Variants in VPS8 observed in about 807,000 individuals in gnomAD.
The protein encoded by VPS8 is VPS8 subunit of CORVET complex.
Under a neutral mutation model 216.4 loss-of-function variants are expected in VPS8, and 129 were observed. The observed-to-expected ratio is 0.60, with a 90% confidence interval of 0.52 to 0.69. The LOEUF (loss-of-function observed/expected upper bound fraction) is 0.69, where lower values mean the gene tolerates loss of function less well. Ranked by LOEUF, VPS8 falls within the 30% of genes least tolerant of loss-of-function variation. The pLI is 0.00. For missense variants in VPS8, 1,531 were observed against 1,683.5 expected, an observed-to-expected ratio of 0.91 and a Z score of 1.59; for synonymous variants, 571 against 565.4, an observed-to-expected ratio of 1.01 and a Z score of -0.14.
intron 25 of VPS8, among the ~76,000 whole-genome samples, chr3:184,903,640 G>A (rs1307886701): frequency 1.3e-5 from 2 of 151,742 alleles, no homozygotes; most frequent in African/African-American, 4.8e-5. Flanking sequence ...TCAAGACAGG[G>A]TCTTGCTATG....
At chr3:185,040,894 A>G (rs1759530881) in intron 46 of VPS8, among the ~76,000 whole-genome samples, 1 of 152,078 alleles carries the variant, frequency 6.6e-6, no homozygotes, top group African/African-American at 2.4e-5. Flanking sequence ...CATTGATAAA[A>G]TATTTGTATA....
chr3:184,980,352 A>T (rs1489971954), intron 40 of VPS8, among the ~76,000 whole-genome samples: 1 of 152,150 alleles, frequency 6.6e-6, no homozygotes, highest in Non-Finnish European at 1.5e-5. Context: ...TCAAGAACCT[A>T]GCAAGGTTAG....
intron 25 of VPS8, among the ~76,000 whole-genome samples, chr3:184,911,932 G>A (rs1467222182): frequency 2.0e-5 from 3 of 152,190 alleles, no homozygotes; most frequent in Non-Finnish European, 4.4e-5. Flanking sequence ...AAAGCCTTCA[G>A]TTTGTGTCCG....
At chr3:184,955,723 G>T (rs1400649526) in intron 36 of VPS8, among the ~76,000 whole-genome samples, 1 of 152,028 alleles carries the variant, frequency 6.6e-6, no homozygotes, top group African/African-American at 2.4e-5. Context: ...GCAGTCCAAT[G>T]TACTGTCTAC....
chr3:184,988,824 C>T (rs941410813), intron 42 of VPS8, among the ~76,000 whole-genome samples: 2 of 152,076 alleles, frequency 1.3e-5, no homozygotes, highest in African/African-American at 4.8e-5. Context: ...CTTTGCTTTC[C>T]CTCATTAGAG....
At chr3:185,050,873 A>G (rs1714081076) in intron 47 of VPS8, among the ~76,000 whole-genome samples, 1 of 152,132 alleles carries the variant, frequency 6.6e-6, no homozygotes, top group Non-Finnish European at 1.5e-5. Flanking sequence ...GAGTGTTGGT[A>G]GTGGACACAG....
chr3:184,996,226 C>T (rs9860814), intron 43 of VPS8, 106 bp from the exon 44 acceptor site: 1,252,069 of 1,304,866 alleles, frequency 0.96, 604,102 homozygotes, highest in Non-Finnish European at 0.98. Flanking sequence ...TCAATTTTAG[C>T]TGTTGGTAGT....
At chr3:184,993,855 C>A in intron 42 of VPS8, 128 bp from the exon 43 acceptor site, 1 of 735,242 alleles carries the variant, frequency 1.4e-6, no homozygotes, top group Non-Finnish European at 2.2e-6. Context: ...GTGGAAAGTT[C>A]ATGGAAGAAT....
Position 184,862,925 on chromosome 3 carries a change from TAGAC to T in VPS8, c.1256_1259del (p.Asp419AlafsTer2), listed in dbSNP as rs777817369. ...ATAAATTCACGCACAGTTGTGCTCT[TAGAC>T]AGCGTAGAGAAGTTGCATGTGATTG... On this transcript the variant is annotated frameshift_variant, in exon 16 of 48. Coordinates refer to ENST00000625842, the MANE Select transcript of VPS8 (RefSeq NM_001009921.3). LOFTEE classifies it high-confidence loss of function. 5.0e-6 allele frequency: 8 copies of T among 1,613,848 alleles called. No individual in the cohort carries two copies. Among genetic ancestry groups the T allele is most frequent in the South Asian group, 1.1e-5 (1 of 91,068 alleles).
At chr3:184,958,236 G>T (rs1291312670) in intron 37 of VPS8, among the ~76,000 whole-genome samples, 1 of 152,128 alleles carries the variant, frequency 6.6e-6, no homozygotes, top group Non-Finnish European at 1.5e-5. Context: ...CGGGTACATT[G>T]TCCCTTATTG....
intron 45 of VPS8, among the ~76,000 whole-genome samples, chr3:185,000,615 T>TC (rs1453189126): frequency 1.3e-5 from 2 of 150,208 alleles, no homozygotes; most frequent in Non-Finnish European, 3.0e-5. Context: ...TTCGTTTCTT[T>TC]TTTTTTTTTT....
chr3:185,007,335 T>C (rs1022276886), intron 45 of VPS8, among the ~76,000 whole-genome samples: 9 of 152,342 alleles, frequency 5.9e-5, no homozygotes, highest in African/African-American at 7.2e-5. Flanking sequence ...TCAAGAACAT[T>C]ACTCACTTAC....
chr3:184,893,309 A>G (rs979812355), intron 22 of VPS8: 2 of 1,286,514 alleles, frequency 1.6e-6, no homozygotes, highest in African/African-American at 1.5e-5. Flanking sequence ...TTGTCATGAA[A>G]GACCATACCT....
At chr3:184,902,191 A>T (rs1353200334) in intron 25 of VPS8, among the ~76,000 whole-genome samples, 1 of 149,664 alleles carries the variant, frequency 6.7e-6, no homozygotes, top group African/African-American at 2.5e-5. Flanking sequence ...AAAAGTTCCC[A>T]AGCTGGCCAG....
intron 40 of VPS8, among the ~76,000 whole-genome samples, chr3:184,980,016 G>A (rs1210578879): frequency 5.3e-5 from 8 of 152,158 alleles, no homozygotes; most frequent in Non-Finnish European, 1.2e-4. Flanking sequence ...AGCATTCATT[G>A]TCTGAAAATG....
chr3:184,953,198 A>C (rs1320608807), intron 36 of VPS8, among the ~76,000 whole-genome samples: 1 of 152,226 alleles, frequency 6.6e-6, no homozygotes, highest in East Asian at 1.9e-4. Flanking sequence ...GGCACCAAGC[A>C]AGGAGAATTG....
intron 45 of VPS8, among the ~76,000 whole-genome samples, chr3:185,018,933 G>A (rs1352919957): frequency 2.0e-5 from 3 of 152,160 alleles, no homozygotes; most frequent in African/African-American, 7.2e-5. Context: ...GAAAGATCTG[G>A]AGGATCAAGC....
At chr3:184,910,472 A>G (rs1028297494) in intron 25 of VPS8, among the ~76,000 whole-genome samples, 20 of 152,186 alleles carry the variant, frequency 1.3e-4, no homozygotes, top group African/African-American at 4.8e-4. Flanking sequence ...ACTCTCCACC[A>G]GAGCCCACGT....
At chr3:185,036,638 C>T (rs867074759) in intron 46 of VPS8, among the ~76,000 whole-genome samples, 1 of 150,804 alleles carries the variant, frequency 6.6e-6, no homozygotes, top group African/African-American at 2.4e-5. Context: ...TTTTCATATT[C>T]AGCTTTTGAT....
Sources: allele counts gnomAD v4.1 joint callset (sites outside exome capture counted in the v4.1 genomes callset), GRCh38; gene constraint gnomAD v4.1.1; transcripts MANE v1.5; gene names NCBI Gene and HGNC (gene_info 2026-07-23, HGNC 2026-07-21).